ARHGAP15: variants seen among roughly 807,000 people sequenced by gnomAD.
ARHGAP15 encodes the protein rho GTPase-activating protein 15.
ARHGAP15 carries 51 observed loss-of-function variants against 63.7 expected under a neutral mutation model. The ratio of observed to expected loss-of-function variants is 0.80; its 90% CI spans 0.64 to 1.01. ARHGAP15 has a LOEUF of 1.01. Ranked by LOEUF, ARHGAP15 falls within the 50% of genes least tolerant of loss-of-function variation. The pLI, the probability that ARHGAP15 is intolerant of heterozygous loss-of-function variation, is 0.00. For synonymous variants in ARHGAP15, 191 were observed against 193.8 expected (o/e 0.99, Z 0.12); for missense variants, 560 against 564.6 (o/e 0.99, Z 0.08).
At chr2:143,359,873 G>A (rs1685966639) in intron 6 of ARHGAP15, among the ~76,000 whole-genome samples, 1 of 152,020 alleles carries the variant, frequency 6.6e-6, no homozygotes, top group Non-Finnish European at 1.5e-5. Context: ...TTACTATAGG[G>A]TGACATCATA....
At chr2:143,726,490 C>A (rs1363652361) in intron 13 of ARHGAP15, among the ~76,000 whole-genome samples, 1 of 151,976 alleles carries the variant, frequency 6.6e-6, no homozygotes, top group East Asian at 1.9e-4. Context: ...AGGAAAGATT[C>A]CAGTATTGTG....
intron 6 of ARHGAP15, among the ~76,000 whole-genome samples, chr2:143,254,109 A>T (rs1482016621): frequency 6.6e-6 from 1 of 152,158 alleles, no homozygotes; most frequent in Non-Finnish European, 1.5e-5. Flanking sequence ...TTCAAACCAC[A>T]TGTTTTAAAC....
At chr2:143,354,344 C>A (rs1011576713) in intron 6 of ARHGAP15, among the ~76,000 whole-genome samples, 2 of 152,150 alleles carry the variant, frequency 1.3e-5, no homozygotes, top group Admixed American at 1.3e-4. Context: ...AAGCACATTG[C>A]TTGGTAGGAT....
chr2:143,338,627 A>G (rs185120190), intron 6 of ARHGAP15, among the ~76,000 whole-genome samples: 142 of 152,314 alleles, frequency 9.3e-4, no homozygotes, highest in African/African-American at 3.3e-3. Flanking sequence ...GACTGTCAGA[A>G]TAATGACTTT....
chr2:143,452,220 C>T (rs1049895147), intron 8 of ARHGAP15, among the ~76,000 whole-genome samples: 7 of 151,910 alleles, frequency 4.6e-5, no homozygotes, highest in African/African-American at 1.4e-4. Flanking sequence ...GGGAGGAATG[C>T]GGAAGAAATA....
intron 13 of ARHGAP15, among the ~76,000 whole-genome samples, chr2:143,767,178 G>T (rs2072951282): frequency 6.6e-6 from 1 of 152,092 alleles, no homozygotes; most frequent in African/African-American, 2.4e-5. Flanking sequence ...AATCAAGTAG[G>T]CTTCAGCTGT....
intron 10 of ARHGAP15, among the ~76,000 whole-genome samples, chr2:143,547,192 T>C (rs1695369134): frequency 1.3e-5 from 2 of 152,284 alleles, no homozygotes; most frequent in Middle Eastern, 3.4e-3. Flanking sequence ...GGCCTCAAAT[T>C]CTTAGCTGAG....
chr2:143,734,753 A>G (rs1409740600), intron 13 of ARHGAP15, among the ~76,000 whole-genome samples: 1 of 152,214 alleles, frequency 6.6e-6, no homozygotes, highest in Admixed American at 6.5e-5. Flanking sequence ...GCAGTTCTTG[A>G]TTGCAAGTTA....
At chr2:143,413,927 TTGTGTGTGTGTGTGTGTGTG>T (rs1553476588) in intron 6 of ARHGAP15, among the ~76,000 whole-genome samples, 1 of 127,992 alleles carries the variant, frequency 7.8e-6, no homozygotes, top group African/African-American at 3.1e-5. Flanking sequence ...AGGTAGGTAG[TTGTGTGTGTGTGTGTGTGTG>T]TGTGTGTGTG....
At chr2:143,457,137 A>T (rs574736712) in intron 8 of ARHGAP15, among the ~76,000 whole-genome samples, 2 of 152,280 alleles carry the variant, frequency 1.3e-5, no homozygotes, top group African/African-American at 4.8e-5. Flanking sequence ...CAAAGTTTCC[A>T]CCAAATAATT....
At chr2:143,234,003 A>T (rs936845891) in intron 5 of ARHGAP15, among the ~76,000 whole-genome samples, 2 of 151,724 alleles carry the variant, frequency 1.3e-5, no homozygotes, top group Non-Finnish European at 2.9e-5. Context: ...TTCCTTCTAA[A>T]CCTTCAGTTA....
chr2:143,224,602 G>A (rs1051935487), intron 4 of ARHGAP15, among the ~76,000 whole-genome samples: 4 of 152,158 alleles, frequency 2.6e-5, no homozygotes, highest in African/African-American at 9.7e-5. Flanking sequence ...TCCTGGCTAA[G>A]GCTTTTAAGC....
chr2:143,545,095 G>A (rs1695272356), intron 10 of ARHGAP15, among the ~76,000 whole-genome samples: 1 of 152,206 alleles, frequency 6.6e-6, no homozygotes, highest in Admixed American at 6.5e-5. Flanking sequence ...ATAGGACTTT[G>A]CTGATGGTTA....
chr2:143,273,467 AATG>A (rs945591302), intron 6 of ARHGAP15, among the ~76,000 whole-genome samples: 16 of 152,170 alleles, frequency 1.1e-4, no homozygotes, highest in African/African-American at 3.9e-4. Flanking sequence ...AGTCAAAAAA[AATG>A]GTAATACCAT....
chr2:143,235,355 A>C (rs1693603365), intron 5 of ARHGAP15, among the ~76,000 whole-genome samples: 2 of 149,688 alleles, frequency 1.3e-5, no homozygotes, highest in Non-Finnish European at 3.0e-5. Flanking sequence ...ATTTGTAGGG[A>C]GGGAGTGCAG....
intron 6 of ARHGAP15, among the ~76,000 whole-genome samples, chr2:143,290,989 T>C (rs1414330919): frequency 6.6e-6 from 1 of 152,098 alleles, no homozygotes; most frequent in Non-Finnish European, 1.5e-5. Context: ...CAGGGTGTTA[T>C]GAAGTGGCCA....
chr2:143,412,019 T>C (rs1688468595), intron 6 of ARHGAP15, among the ~76,000 whole-genome samples: 1 of 152,148 alleles, frequency 6.6e-6, no homozygotes, highest in Non-Finnish European at 1.5e-5. Context: ...GTCAATATGA[T>C]AGGCAAATGG....
At chr2:143,766,851 T>A (rs1470392051) in intron 13 of ARHGAP15, 3 of 152,126 alleles carry the variant, frequency 2.0e-5, no homozygotes, top group African/African-American at 7.2e-5. Context: ...CCCCCGAAGA[T>A]AAGCAGGGAC....
At chr2:143,153,846 C>CT (rs1558779666) in intron 1 of ARHGAP15, among the ~76,000 whole-genome samples, 18 of 57,242 alleles carry the variant, frequency 3.1e-4, no homozygotes, top group African/African-American at 6.4e-4. Flanking sequence ...CTTCTTCTTC[C>CT]TCCTCCTCCT....
Sources: gnomAD v4.1 joint callset for allele counts (sites outside exome capture counted in the v4.1 genomes callset) on GRCh38, gnomAD v4.1.1 for gene constraint, MANE v1.5 for transcripts, NCBI Gene and HGNC (gene_info 2026-07-23, HGNC 2026-07-21) for gene names.